The following ABLIM3 variants were observed in gnomAD, a reference collection of about 807,000 sequenced individuals.
ABLIM3 encodes the protein actin binding LIM protein family member 3.
In ABLIM3, 61 loss-of-function variants were observed where a neutral mutation model predicts 109.5. That is an observed-to-expected ratio of 0.56 (90% CI 0.45 to 0.69). ABLIM3 has a LOEUF of 0.69. ABLIM3 is among the 30% of genes least tolerant of loss of function. The pLI is 0.00. For missense variants in ABLIM3, 796 were observed against 889.5 expected (o/e 0.89, Z 1.34); for synonymous variants, 300 against 324.8 (o/e 0.92, Z 0.82).
At position 149,225,974 on chromosome 5, in the gene ABLIM3, GTGTGTGTGTA is replaced by G. The variant is rs1266683069; in HGVS notation, c.758-4673_758-4664del. ...GTATATAATATGTGTGTGTGTGTGT[GTGTGTGTGTA>G]TATATATATATATATATATATATAT... On this transcript the variant is annotated intron_variant, in intron 8 of 23. Coordinates refer to ENST00000309868, the MANE Select transcript of ABLIM3 (RefSeq NM_014945.5). 1.2e-3 allele frequency among the ~76,000 whole-genome samples: 111 copies of G among 92,168 alleles called. 1 individual carries two copies. The highest frequency in any genetic ancestry group is 6.4e-3 in the African/African-American group (96 of 15,036). The allele number at this position is 92,168 out of a possible 152,430, so 60.5% of individuals were successfully genotyped here.
chr5:149,183,662 G>A (rs1198968312), intron 3 of ABLIM3, 73 bp downstream of exon 3: 1 of 1,405,590 alleles, frequency 7.1e-7, no homozygotes. Context: ...ATGCCTCAGG[G>A]GCAGAAAGAA....
chr5:149,240,035 A>C, intron 13 of ABLIM3, 147 bp downstream of exon 13: 2 of 1,189,952 alleles, frequency 1.7e-6, no homozygotes, highest in East Asian at 3.0e-5. Context: ...CCAGGTGACC[A>C]GCTGGGCCTC....
intron 2 of ABLIM3, among the ~76,000 whole-genome samples, chr5:149,171,567 C>G (rs536565303): frequency 6.6e-6 from 1 of 152,198 alleles, no homozygotes; most frequent in Non-Finnish European, 1.5e-5. Flanking sequence ...TATCTGCTCT[C>G]CAGGTGACAT....
At chr5:149,199,087 C>T (rs1384679405) in intron 4 of ABLIM3, 1 of 456,716 alleles carries the variant, frequency 2.2e-6, no homozygotes, top group Non-Finnish European at 4.4e-6. Context: ...TCCTGCTTTA[C>T]CTTCCGCATC....
At chr5:149,145,420 C>G (rs1205038469) in intron 2 of ABLIM3, among the ~76,000 whole-genome samples, 1 of 152,128 alleles carries the variant, frequency 6.6e-6, no homozygotes, top group Non-Finnish European at 1.5e-5. Context: ...GATTCCGTAT[C>G]TTTATTATTG....
chr5:149,210,017 C>T lies in ABLIM3; in HGVS notation c.576-709C>T, dbSNP rs972050672. Among the ~76,000 whole-genome samples the T allele has an allele frequency of 7.2e-5, 11 of 152,174 alleles. No homozygotes were observed. In the East Asian group the frequency reaches 9.6e-4, roughly 13 times the overall value. ...CAGAGTTCAGACTTGGTCATTAGAG[C>T]GAGGCAGAGCCCGAAGCAAAGCTAA... On this transcript the variant is annotated intron_variant, in intron 6 of 23. Coordinates refer to ENST00000309868, the MANE Select transcript of ABLIM3 (RefSeq NM_014945.5).
chr5:149,195,819 T>G lies in ABLIM3; in HGVS notation c.152-2400T>G, dbSNP rs1757913401. Among the ~76,000 whole-genome samples the G allele has an allele frequency of 2.0e-5, 3 of 152,312 alleles. No homozygotes were observed. In the South Asian group the frequency reaches 6.2e-4, roughly 32 times the overall value. ...ATAATGCCTGATGGAAGATGAACCC[T>G]TCCCAGACTTCTGCCACCACCACCA... On this transcript the variant is annotated intron_variant, in intron 3 of 23. Coordinates refer to ENST00000309868, the MANE Select transcript of ABLIM3 (RefSeq NM_014945.5).
In ABLIM3 at chr5:149,190,536, C is replaced by T. The variant is rs541368094; in HGVS notation, c.151+6947C>T. Among the ~76,000 whole-genome samples, 21 of 151,988 alleles carry T rather than the reference C, an allele frequency of 1.4e-4. No homozygotes were observed. The South Asian group carries it at 3.9e-3, about 29-fold the overall frequency. On this transcript the variant is annotated intron_variant, in intron 3 of 23. Transcript: ENST00000309868. ...CTCTACAAAAAATACAAAAATTAGC[C>T]GGGCATGGTGGTGCATGCCTGTAGT...
chr5:149,228,112 T>C (rs1761500307), intron 8 of ABLIM3, among the ~76,000 whole-genome samples: 1 of 152,248 alleles, frequency 6.6e-6, no homozygotes, highest in Non-Finnish European at 1.5e-5. Flanking sequence ...TGAGCATTTA[T>C]ATACCCAATG....
chr5:149,187,761 C>T (rs578112582), intron 3 of ABLIM3, among the ~76,000 whole-genome samples: 2 of 152,188 alleles, frequency 1.3e-5, no homozygotes, highest in Non-Finnish European at 2.9e-5. Flanking sequence ...ATGCTCCACC[C>T]TAACTCATTC....
chr5:149,167,800 A>C (rs1015148174), intron 2 of ABLIM3, among the ~76,000 whole-genome samples: 1 of 152,154 alleles, frequency 6.6e-6, no homozygotes, highest in Non-Finnish European at 1.5e-5. Context: ...ATTGCAGTGC[A>C]ATCAACAGAG....
intron 23 of ABLIM3, among the ~76,000 whole-genome samples, chr5:149,254,526 T>C (rs1346704798): frequency 3.3e-5 from 5 of 152,112 alleles, no homozygotes; most frequent in Non-Finnish European, 5.9e-5. Flanking sequence ...AGGAAAAGCA[T>C]ATGAGCTGCC....
chr5:149,249,251 A>C (rs1025321906), intron 18 of ABLIM3, among the ~76,000 whole-genome samples: 2 of 152,244 alleles, frequency 1.3e-5, no homozygotes, highest in African/African-American at 4.8e-5. Context: ...GTTGGCGGCA[A>C]TATGATAAAG....
At chr5:149,165,318 A>T (rs1754724855) in intron 2 of ABLIM3, among the ~76,000 whole-genome samples, 1 of 152,234 alleles carries the variant, frequency 6.6e-6, no homozygotes, top group Non-Finnish European at 1.5e-5. Flanking sequence ...ATTCTGACAC[A>T]CTACCTGTCT....
chr5:149,146,627 G>T (rs954720695), intron 2 of ABLIM3, among the ~76,000 whole-genome samples: 11 of 152,142 alleles, frequency 7.2e-5, no homozygotes, highest in African/African-American at 2.7e-4. Context: ...ATGGCTGTAG[G>T]TATGTGGCTT....
At chr5:149,237,718 T>G in intron 11 of ABLIM3, 115 bp downstream of exon 11, 1 of 1,346,228 alleles carries the variant, frequency 7.4e-7, no homozygotes, top group Non-Finnish European at 1.0e-6. Flanking sequence ...TCCCAGACTC[T>G]TCTACACTGG....
At chr5:149,160,787 G>T (rs1754284682) in intron 2 of ABLIM3, among the ~76,000 whole-genome samples, 1 of 152,176 alleles carries the variant, frequency 6.6e-6, no homozygotes, top group Admixed American at 6.5e-5. Context: ...GCTGTAAGCT[G>T]GGGGTTCTGT....
At chr5:149,253,699 G>A (rs1442074895) in intron 23 of ABLIM3, among the ~76,000 whole-genome samples, 1 of 152,178 alleles carries the variant, frequency 6.6e-6, no homozygotes, top group Non-Finnish European at 1.5e-5. Context: ...AGGTGGGCCA[G>A]AACATGGTGC....
rs766008911 is a variant in ABLIM3 at position 149,237,489 on chromosome 5, G to A, written c.930G>A (p.Ala310=). ...DNEILNYKDL[A]ALPKVKSIYE... is the part of the protein sequence containing the mutation. Reference sequence around the variant, plus strand: ...AGATCCTTAATTACAAAGACCTGGCGGCTCTCCCCAAGGTTAAGTCTATCT... The same window carrying A: ...AGATCCTTAATTACAAAGACCTGGCAGCTCTCCCCAAGGTTAAGTCTATCT... Residue 310 remains alanine, a synonymous_variant, in exon 11 of 24, where the codon GCG becomes GCA. Coordinates refer to ENST00000309868, the MANE Select transcript of ABLIM3 (RefSeq NM_014945.5). The A allele has an allele frequency of 1.1e-5, 18 of 1,613,972 alleles. No individual in the cohort carries two copies. Among genetic ancestry groups the A allele is most frequent in the Middle Eastern group, 1.6e-4 (1 of 6,084 alleles).
Sources: gnomAD v4.1 joint callset for allele counts (sites outside exome capture counted in the v4.1 genomes callset) on GRCh38, gnomAD v4.1.1 for gene constraint, MANE v1.5 for transcripts, NCBI Gene and HGNC (gene_info 2026-07-23, HGNC 2026-07-21) for gene names.